Variants in GPC6 observed in about 807,000 individuals in gnomAD.
GPC6 encodes glypican 6.
A neutral mutation model predicts 55.2 loss-of-function variants in GPC6; 14 were observed. That is an observed-to-expected ratio of 0.25 (90% CI 0.17 to 0.40). GPC6 has a LOEUF of 0.40. GPC6 is among the 10% of genes least tolerant of loss of function. The pLI, the probability that GPC6 is intolerant of heterozygous loss-of-function variation, is 1.00. For missense variants in GPC6, 641 were observed against 708.5 expected (o/e 0.90, Z 1.08); for synonymous variants, 278 against 259.6 (o/e 1.07, Z -0.68).
At chr13:94,004,563 C>A (rs1019619538) in intron 3 of GPC6, among the ~76,000 whole-genome samples, 2 of 152,144 alleles carry the variant, frequency 1.3e-5, no homozygotes, top group African/African-American at 4.8e-5. Flanking sequence ...AATGAAATGA[C>A]TGGTTTTTAG....
intron 2 of GPC6, among the ~76,000 whole-genome samples, chr13:93,583,914 G>C (rs1364742046): frequency 1.3e-5 from 2 of 152,148 alleles, no homozygotes; most frequent in African/African-American, 2.4e-5. Flanking sequence ...ACTGGAAAGA[G>C]AGAAAAGAGC....
chr13:93,875,563 T>C (rs1889266795), intron 3 of GPC6, among the ~76,000 whole-genome samples: 1 of 152,104 alleles, frequency 6.6e-6, no homozygotes, highest in African/African-American at 2.4e-5. Flanking sequence ...GTCAGGTCCC[T>C]GAGGAAAGGG....
chr13:94,248,589 A>G (rs1452774469), intron 4 of GPC6, among the ~76,000 whole-genome samples: 1 of 152,020 alleles, frequency 6.6e-6, no homozygotes, highest in Non-Finnish European at 1.5e-5. Context: ...TTCTCAAATA[A>G]TACACATGTG....
chr13:94,234,872 A>G (rs1426892509), intron 4 of GPC6, among the ~76,000 whole-genome samples: 1 of 152,158 alleles, frequency 6.6e-6, no homozygotes, highest in Admixed American at 6.6e-5. Context: ...AAAAAGACAA[A>G]TACTGCATAA....
chr13:93,862,510 T>A (rs536741300), intron 3 of GPC6, among the ~76,000 whole-genome samples: 1 of 151,458 alleles, frequency 6.6e-6, no homozygotes, highest in Non-Finnish European at 1.5e-5. Flanking sequence ...GAGGAGGAGA[T>A]TGTGGTGCAT....
chr13:93,908,793 G>T (rs1473985659), intron 3 of GPC6, among the ~76,000 whole-genome samples: 1 of 151,952 alleles, frequency 6.6e-6, no homozygotes, highest in Admixed American at 6.6e-5. Context: ...ACCTTTTCCT[G>T]CCTTGCCTTT....
At chr13:93,301,521 AT>A (rs1878680794) in intron 1 of GPC6, among the ~76,000 whole-genome samples, 1 of 152,134 alleles carries the variant, frequency 6.6e-6, no homozygotes, top group Admixed American at 6.6e-5. Context: ...ATGTTAGTTA[AT>A]TTTATGCAGT....
At chr13:93,968,830 T>C (rs543368496) in intron 3 of GPC6, among the ~76,000 whole-genome samples, 12 of 152,116 alleles carry the variant, frequency 7.9e-5, no homozygotes, top group African/African-American at 2.9e-4. Flanking sequence ...AAATAACAAA[T>C]TAGAGTTTAA....
intron 2 of GPC6, among the ~76,000 whole-genome samples, chr13:93,789,501 C>CTATATATATA (rs1388071759): frequency 2.5e-5 from 2 of 78,976 alleles, no homozygotes; most frequent in African/African-American, 4.7e-5. Flanking sequence ...CTCTCTCTCT[C>CTATATATATA]TCTCTCTCTA....
At chr13:94,392,415 A>ATT (rs59173357) in intron 7 of GPC6, among the ~76,000 whole-genome samples, 25 of 105,668 alleles carry the variant, frequency 2.4e-4, no homozygotes, top group South Asian at 1.8e-3. Context: ...TCTATTTTTA[A>ATT]TTTTTTTTTT....
chr13:93,822,841 ATTATTATTATTATT>A (rs1216269131), intron 2 of GPC6, among the ~76,000 whole-genome samples: 3 of 146,820 alleles, frequency 2.0e-5, no homozygotes, highest in Admixed American at 6.8e-5. Context: ...TATTATTATT[ATTATTATTATTATT>A]TTATTATTAT....
At chr13:94,293,067 A>T (rs182607913) in intron 5 of GPC6, among the ~76,000 whole-genome samples, 184 of 152,316 alleles carry the variant, frequency 1.2e-3, no homozygotes, top group Admixed American at 4.3e-3. Context: ...ACCAGGGGCA[A>T]GAGCATATTA....
At chr13:93,930,960 A>G (rs142328623) in intron 3 of GPC6, among the ~76,000 whole-genome samples, 26 of 152,248 alleles carry the variant, frequency 1.7e-4, no homozygotes, top group African/African-American at 6.0e-4. Context: ...CAGATCTTTT[A>G]TGGCTGGAGC....
intron 7 of GPC6, among the ~76,000 whole-genome samples, chr13:94,389,958 C>T (rs1880572659): frequency 6.6e-6 from 1 of 152,194 alleles, no homozygotes; most frequent in East Asian, 1.9e-4. Flanking sequence ...ATGGCTTTTG[C>T]AGGGAGCCCC....
At chr13:94,034,159 T>G (rs1011007859) in intron 4 of GPC6, among the ~76,000 whole-genome samples, 1 of 146,512 alleles carries the variant, frequency 6.8e-6, no homozygotes, top group African/African-American at 2.5e-5. Flanking sequence ...GCTGGCAGGA[T>G]GCATAAGCCG....
intron 1 of GPC6, among the ~76,000 whole-genome samples, chr13:93,312,730 C>T (rs1452036456): frequency 6.6e-6 from 1 of 152,136 alleles, no homozygotes; most frequent in Non-Finnish European, 1.5e-5. Context: ...TTTAGTTGAG[C>T]ACCTTGCAAT....
At chr13:93,779,727 T>C (rs1885578407) in intron 2 of GPC6, among the ~76,000 whole-genome samples, 1 of 152,186 alleles carries the variant, frequency 6.6e-6, no homozygotes, top group Non-Finnish European at 1.5e-5. Context: ...CTTTGTTCTT[T>C]TGTTCTTTGT....
chr13:94,199,299 A>T (rs967209868), intron 4 of GPC6, among the ~76,000 whole-genome samples: 2 of 152,222 alleles, frequency 1.3e-5, no homozygotes, highest in African/African-American at 4.8e-5. Context: ...TTAATTTGCT[A>T]AATTGACCTT....
At chr13:93,545,610 G>T (rs1315580422) in intron 2 of GPC6, among the ~76,000 whole-genome samples, 189 bp downstream of exon 2, 2 of 150,726 alleles carry the variant, frequency 1.3e-5, no homozygotes, top group African/African-American at 4.9e-5. Flanking sequence ...GTAATATCTT[G>T]GTAAAACCTG....
Sources: allele counts gnomAD v4.1 joint callset (sites outside exome capture counted in the v4.1 genomes callset), GRCh38; gene constraint gnomAD v4.1.1; transcripts MANE v1.5; gene names NCBI Gene and HGNC (gene_info 2026-07-23, HGNC 2026-07-21).